THSD7B: variants seen among roughly 807,000 people sequenced by gnomAD.
THSD7B encodes the protein thrombospondin type-1 domain-containing protein 7B.
In THSD7B, 138 loss-of-function variants were observed where a neutral mutation model predicts 213.6. The ratio of observed to expected loss-of-function variants is 0.65; its 90% confidence interval spans 0.56 to 0.74. THSD7B has a LOEUF of 0.74. THSD7B is among the 30% of genes least tolerant of loss of function. The probability of loss-of-function intolerance (pLI) is 0.00; values close to 1 mark genes in which losing one functional copy is unlikely to be tolerated. For synonymous variants in THSD7B, 742 were observed against 687.0 expected, an observed-to-expected ratio of 1.08 and a Z score of -1.25; for missense variants, 1,931 against 1,991.5, an observed-to-expected ratio of 0.97 and a Z score of 0.58.
At chr2:137,248,505 A>G (rs551717593) in intron 10 of THSD7B, among the ~76,000 whole-genome samples, 3 of 152,344 alleles carry the variant, frequency 2.0e-5, no homozygotes, top group African/African-American at 7.2e-5. Context: ...TGTGGCATTA[A>G]CAGATTATTC....
chr2:137,199,347 A>G (rs1330347937), intron 7 of THSD7B, among the ~76,000 whole-genome samples: 2 of 152,192 alleles, frequency 1.3e-5, no homozygotes, highest in Non-Finnish European at 2.9e-5. Flanking sequence ...AAAAATGTTT[A>G]TATAAAATAA....
chr2:137,308,807 G>A (rs1457612052), intron 12 of THSD7B, among the ~76,000 whole-genome samples: 2 of 152,048 alleles, frequency 1.3e-5, no homozygotes, highest in Non-Finnish European at 2.9e-5. Context: ...ATATGTATAT[G>A]TACTGACACA....
intron 22 of THSD7B, among the ~76,000 whole-genome samples, chr2:137,656,502 T>C (rs1464977312): frequency 6.6e-6 from 1 of 152,202 alleles, no homozygotes; most frequent in Non-Finnish European, 1.5e-5. Flanking sequence ...ATCTCTCTTT[T>C]AAAAGTTTTA....
intron 2 of THSD7B, among the ~76,000 whole-genome samples, chr2:136,991,862 C>G (rs1466459412): frequency 6.6e-6 from 1 of 152,174 alleles, no homozygotes; most frequent in African/African-American, 2.4e-5. Flanking sequence ...AATTCAGGTT[C>G]ATTAACTTTG....
rs546673128 is a variant in THSD7B at position 137,009,122 on chromosome 2, A to T, written c.140-47298A>T. ...ATAGATTAATTTTGACATAAGATTG[A>T]TACTGAGTGTCAGAGAGTGAGGGTG... On this transcript the variant is annotated intron_variant, in intron 2 of 27. Coordinates refer to ENST00000409968, the MANE Select transcript of THSD7B (RefSeq NM_001316349.2). Among the ~76,000 whole-genome samples, 13 of 152,312 alleles carry T rather than the reference A, an allele frequency of 8.5e-5. 2 individuals are homozygous for T. The South Asian group carries it at 2.7e-3, about 32-fold the overall frequency.
chr2:137,245,908 A>C (rs1682021368), intron 10 of THSD7B, among the ~76,000 whole-genome samples: 1 of 152,212 alleles, frequency 6.6e-6, no homozygotes. Context: ...TATTAATTGC[A>C]GATTCTAATT....
intron 12 of THSD7B, among the ~76,000 whole-genome samples, chr2:137,354,592 G>A (rs921762213): frequency 1.3e-5 from 2 of 151,940 alleles, no homozygotes; most frequent in Admixed American, 6.6e-5. Flanking sequence ...TGTACATCTA[G>A]CAAGTAAGAA....
intron 3 of THSD7B, among the ~76,000 whole-genome samples, chr2:137,084,351 A>T (rs532985318): frequency 1.3e-5 from 2 of 152,210 alleles, no homozygotes; most frequent in African/African-American, 4.8e-5. Context: ...GGAGCTAAAA[A>T]GTAAAGCGAT....
intron 1 of THSD7B, among the ~76,000 whole-genome samples, chr2:136,832,919 G>A (rs914961792): frequency 4.6e-5 from 7 of 152,010 alleles, no homozygotes; most frequent in Admixed American, 2.0e-4. Context: ...TCACTCTTAC[G>A]TTTGCTTTAC....
Position 137,493,122 on chromosome 2 carries a change from CAAAAAAAAAAAA to C in THSD7B, c.3138+42114_3138+42125del, listed in dbSNP as rs376770053. Among the ~76,000 whole-genome samples the C allele has an allele frequency of 6.8e-4, 30 of 44,222 alleles. No homozygotes were observed. The Admixed American group carries it at 9.5e-3, about 14-fold the overall frequency. 29.0% of individuals were successfully genotyped at this position (44,222 alleles called of 152,430 possible). The stretch of plus-strand genomic sequence containing the variant: ...GGCAACAGAGTGACACTCTCTCTCT[CAAAAAAAAAAAA>C]AAAAAAAAAAAAAACAGGAAAAGAA... On this transcript the variant is annotated intron_variant, in intron 15 of 27. Transcript: ENST00000409968.
At chr2:137,185,635 TC>T (rs1271963423) in intron 7 of THSD7B, among the ~76,000 whole-genome samples, 2 of 152,156 alleles carry the variant, frequency 1.3e-5, no homozygotes, top group Non-Finnish European at 2.9e-5. Context: ...TTTAATGCAA[TC>T]CACCTTTGAT....
At chr2:137,144,496 G>T (rs1679652869) in intron 5 of THSD7B, among the ~76,000 whole-genome samples, 1 of 151,976 alleles carries the variant, frequency 6.6e-6, no homozygotes, top group African/African-American at 2.4e-5. Flanking sequence ...GTCTGCTTTT[G>T]CAGACTCAGT....
intron 12 of THSD7B, among the ~76,000 whole-genome samples, chr2:137,387,170 G>A (rs111633776): frequency 4.4e-4 from 67 of 152,206 alleles, no homozygotes; most frequent in African/African-American, 1.5e-3. Flanking sequence ...TAGATACTTT[G>A]CATAGGAACA....
Position 137,667,893 on chromosome 2 carries a change from C to A in THSD7B, c.4739+32C>A. ...ACTAATTAGTAAAAAGTTTATGTTC[C>A]GTATTTTTATGGATTTCATGTTATA... On this transcript the variant is annotated intron_variant, in intron 27 of 27. Coordinates refer to ENST00000409968, the MANE Select transcript of THSD7B (RefSeq NM_001316349.2). 3 of 1,504,672 alleles carry A rather than the reference C, an allele frequency of 2.0e-6. No individual in the cohort carries two copies. The East Asian group carries it at 7.2e-5, about 36-fold the overall frequency. 93.2% of individuals were successfully genotyped at this position (1,504,672 alleles called of 1,614,324 possible).
intron 20 of THSD7B, among the ~76,000 whole-genome samples, chr2:137,631,114 A>G (rs1682733780): frequency 6.6e-6 from 1 of 152,178 alleles, no homozygotes; most frequent in Non-Finnish European, 1.5e-5. Flanking sequence ...CTTGGCATAT[A>G]CTTTCTAATT....
intron 15 of THSD7B, among the ~76,000 whole-genome samples, chr2:137,520,325 T>G (rs1021114125): frequency 6.6e-6 from 1 of 152,208 alleles, no homozygotes; most frequent in African/African-American, 2.4e-5. Flanking sequence ...ATGATGACAA[T>G]TTGTATAACG....
intron 12 of THSD7B, among the ~76,000 whole-genome samples, chr2:137,299,986 A>G (rs1363101463): frequency 6.6e-6 from 1 of 152,160 alleles, no homozygotes. Flanking sequence ...TCCTTATAGA[A>G]CCAGTGCAGT....
At chr2:137,613,432 G>A (rs909133577) in intron 17 of THSD7B, among the ~76,000 whole-genome samples, 1 of 152,116 alleles carries the variant, frequency 6.6e-6, no homozygotes, top group Admixed American at 6.6e-5. Context: ...TTTGCTTCTA[G>A]AGATAACAAA....
At chr2:137,200,123 A>G (rs1680845273) in intron 7 of THSD7B, among the ~76,000 whole-genome samples, 1 of 152,166 alleles carries the variant, frequency 6.6e-6, no homozygotes, top group Non-Finnish European at 1.5e-5. Context: ...GTACCACTGC[A>G]TTCTTCCTTA....
Sources: gnomAD v4.1 joint callset for allele counts (sites outside exome capture counted in the v4.1 genomes callset) on GRCh38, gnomAD v4.1.1 for gene constraint, MANE v1.5 for transcripts, NCBI Gene and HGNC (gene_info 2026-07-23, HGNC 2026-07-21) for gene names.